The following CDHR3 variants were observed in gnomAD, a reference collection of about 807,000 sequenced individuals.
CDHR3 encodes the protein cadherin related family member 3, also known as cadherin-related family member 3.
Under a neutral mutation model 86.6 loss-of-function variants are expected in CDHR3, and 79 were observed. The ratio of observed to expected loss-of-function variants is 0.91; its 90% CI spans 0.76 to 1.10. CDHR3 has a LOEUF of 1.10. Ranked by LOEUF, CDHR3 falls within the 50% of genes least tolerant of loss-of-function variation. The pLI, the probability that CDHR3 is intolerant of heterozygous loss-of-function variation, is 0.00. For missense variants in CDHR3, 1,081 were observed against 1,077.6 expected (o/e 1.00, Z -0.04); for synonymous variants, 421 against 402.4 (o/e 1.05, Z -0.55).
At chr7:106,027,919 G>A (rs1285820190) in intron 16 of CDHR3, among the ~76,000 whole-genome samples, 1 of 152,054 alleles carries the variant, frequency 6.6e-6, no homozygotes, top group Non-Finnish European at 1.5e-5. Flanking sequence ...GAGCCCAGAA[G>A]TTCGAGACCA....
At chr7:105,975,912 A>G (rs1228997611) in intron 2 of CDHR3, among the ~76,000 whole-genome samples, 1 of 152,132 alleles carries the variant, frequency 6.6e-6, no homozygotes, top group Non-Finnish European at 1.5e-5. Context: ...TCAGCTTATC[A>G]TTAGTCACTA....
chr7:105,966,134 A>G (rs1387937791), intron 1 of CDHR3, among the ~76,000 whole-genome samples: 1 of 152,226 alleles, frequency 6.6e-6, no homozygotes, highest in African/African-American at 2.4e-5. Flanking sequence ...CAAAGCAGTC[A>G]TCTGGCTCCA....
rs1323792539 is a variant in CDHR3 at position 106,034,189 on chromosome 7, A to G, written c.*1492A>G. 6.6e-6 allele frequency among the ~76,000 whole-genome samples: 1 copy of G among 152,188 alleles called. No individual in the cohort carries two copies. Among genetic ancestry groups the G allele is most frequent in the African/African-American group, 2.4e-5 (1 of 41,442 alleles). On this transcript the variant is annotated 3_prime_UTR_variant, in exon 19 of 19. Transcript: ENST00000317716. ...AGGCATGAGCAATGAACTGGGAATA[A>G]ATGGTATTATGATGGAATAGGAAAT...
Position 106,032,753 on chromosome 7 carries a change from T to C in CDHR3, c.*56T>C. The C allele has an allele frequency of 6.6e-7, 1 of 1,520,364 alleles. No homozygotes were observed. 94.2% of individuals were successfully genotyped at this position (1,520,364 alleles called of 1,614,324 possible). A position where few individuals can be genotyped will look rare whatever the true frequency, so the allele number is the denominator to read the frequency against. On this transcript the variant is annotated 3_prime_UTR_variant, in exon 19 of 19. Transcript: ENST00000317716. Reference sequence around the variant, plus strand: ...TGAGATGCTGCCTCACCCTAAATTCTATGGGGATGGTGTGGGCATGGTGTA... The same window carrying C: ...TGAGATGCTGCCTCACCCTAAATTCCATGGGGATGGTGTGGGCATGGTGTA...
rs139914546 is a variant in CDHR3, at chr7:105,972,099, G to T, written c.47-2745G>T. ...GCCCTCCATGACTGTTCCCTGAGTG[G>T]TATAATCTCAGATGTGTGCAATGGT... On this transcript the variant is annotated intron_variant, in intron 1 of 18. Coordinates refer to ENST00000317716, the MANE Select transcript of CDHR3 (RefSeq NM_152750.5). Among the ~76,000 whole-genome samples, 34 of 152,220 alleles carry T rather than the reference G, an allele frequency of 2.2e-4. No homozygotes were observed. In the East Asian group the frequency reaches 5.8e-3, roughly 26 times the overall value.
At position 106,020,548 on chromosome 7, in the gene CDHR3, T is replaced by C. The variant is rs1329606877; in HGVS notation, c.1825+4T>C. 6.2e-7 allele frequency: 1 copy of C among 1,611,004 alleles called. No individual in the cohort carries two copies. The highest frequency in any genetic ancestry group is 8.5e-7 in the Non-Finnish European group (1 of 1,177,730). ...TTCCGTTATTCCATTGGCCCAGGTA[T>C]AGTACTTGGTGTCGACAATCCTGGC... On this transcript the variant is annotated splice_donor_region_variant and intron_variant, in intron 13 of 18. Transcript: ENST00000317716.
intron 6 of CDHR3, among the ~76,000 whole-genome samples, chr7:105,997,932 G>C (rs1369105445): frequency 1.3e-5 from 2 of 151,496 alleles, no homozygotes; most frequent in East Asian, 1.9e-4. Context: ...AGCATGATCT[G>C]TGTGACGGTC....
Position 105,986,576 on chromosome 7 carries a change from G to A in CDHR3, c.513+2287G>A, listed in dbSNP as rs148320095. 3.9e-3 allele frequency among the ~76,000 whole-genome samples: 598 copies of A among 152,294 alleles called. 7 individuals carry two copies. Among genetic ancestry groups the A allele is most frequent in the African/African-American group, 0.014 (573 of 41,544 alleles). On this transcript the variant is annotated intron_variant, in intron 4 of 18. Transcript: ENST00000317716. ...GACGTGGGAGGGCTTCAGAAATGAA[G>A]ACCCAAAGACCCCCAGGGAAAACTG...
Position 106,030,149 on chromosome 7 carries a change from G to A in CDHR3, c.2305-643G>A. On this transcript the variant is annotated intron_variant, in intron 17 of 18. Transcript: ENST00000317716. The surrounding 1 kb of genome is among the most constrained non-coding windows in gnomAD (Gnocchi z 4.8). ...GGCACCTCTAGAGGGCAGCATGTGA[G>A]GGAAGGGGGTGTTTCTATGGGGACA... Among the ~76,000 whole-genome samples the A allele has an allele frequency of 6.6e-6, 1 of 152,250 alleles. No homozygotes were observed. Among genetic ancestry groups the A allele is most frequent in the Non-Finnish European group, 1.5e-5 (1 of 68,050 alleles).
chr7:106,017,186 G>C (rs757733411), intron 11 of CDHR3, among the ~76,000 whole-genome samples: 1 of 152,194 alleles, frequency 6.6e-6, no homozygotes, highest in African/African-American at 2.4e-5. Context: ...GCTGCAAAGA[G>C]ATGTATGTGT....
intron 2 of CDHR3, among the ~76,000 whole-genome samples, chr7:105,978,891 T>C (rs796150893): frequency 1.9e-4 from 29 of 152,222 alleles, no homozygotes; most frequent in African/African-American, 6.3e-4. Context: ...CAAGGATCTA[T>C]CCAAGCTTGG....
At position 105,984,241 on chromosome 7, in the gene CDHR3, G is replaced by C. The variant is rs757443459; in HGVS notation, c.465G>C (p.Gln155His). 9 of 1,611,192 alleles carry C rather than the reference G, an allele frequency of 5.6e-6. No homozygotes were observed. Among genetic ancestry groups the C allele is most frequent in the Non-Finnish European group, 7.6e-6 (9 of 1,178,090 alleles). ...GAGCAAACCCTGGATTCATTTACCAGGTTGAGGCCTTCGATCCAGAAGACA... is the reference window on the plus strand; with the variant it reads ...GAGCAAACCCTGGATTCATTTACCACGTTGAGGCCTTCGATCCAGAAGACA... ...VERANPGFIY[Q>H]VEAFDPEDTS... Residue 155 changes from glutamine to histidine, a missense_variant, in exon 4 of 19, where the codon CAG becomes CAC. By Grantham distance (24) the Gln-to-His change is conservative (BLOSUM62 0). Coordinates refer to ENST00000317716, the MANE Select transcript of CDHR3 (RefSeq NM_152750.5).
At chr7:105,971,479 G>A (rs1232578359) in intron 1 of CDHR3, among the ~76,000 whole-genome samples, 1 of 152,144 alleles carries the variant, frequency 6.6e-6, no homozygotes, top group Non-Finnish European at 1.5e-5. Context: ...ATTCAAGGAG[G>A]ACGATAAAAA....
chr7:106,017,720 CAG>C (rs1355564197), intron 11 of CDHR3, 124 bp from the exon 12 acceptor site: 8 of 695,002 alleles, frequency 1.2e-5, no homozygotes, highest in Admixed American at 2.9e-5. Flanking sequence ...AGCTATAAAA[CAG>C]AGTTTGGACA....
At chr7:105,991,938 C>A (rs1231723582) in intron 4 of CDHR3, among the ~76,000 whole-genome samples, 1 of 152,208 alleles carries the variant, frequency 6.6e-6, no homozygotes, top group Non-Finnish European at 1.5e-5. Flanking sequence ...CAGGCACTCA[C>A]ATGGCTACAA....
Position 106,032,858 on chromosome 7 carries a change from AAG to A in CDHR3, c.*162_*163del. ...TTTGACAAATTTTTAAACAAATAGA[AAG>A]GGGTTTGATCACATAGTTGCGTGTT... On this transcript the variant is annotated 3_prime_UTR_variant, in exon 19 of 19. Transcript: ENST00000317716. 1 of 654,492 alleles carries A rather than the reference AAG, an allele frequency of 1.5e-6. No individual in the cohort carries two copies. Among genetic ancestry groups the A allele is most frequent in the Non-Finnish European group, 2.6e-6 (1 of 389,680 alleles). 40.5% of individuals were successfully genotyped at this position (654,492 alleles called of 1,614,324 possible).
chr7:105,966,874 T>G (rs1205303314), intron 1 of CDHR3, among the ~76,000 whole-genome samples: 1 of 152,218 alleles, frequency 6.6e-6, no homozygotes, highest in African/African-American at 2.4e-5. Flanking sequence ...CACGTCTGTT[T>G]CTTGCCAGTT....
chr7:105,994,709 C>T (rs961428575), intron 4 of CDHR3, 42 bp from the exon 5 acceptor site: 3 of 1,315,370 alleles, frequency 2.3e-6, no homozygotes, highest in Non-Finnish European at 3.2e-6. Flanking sequence ...GAAGGGTGGG[C>T]AGGTGGGCTG....
chr7:105,973,635 C>T (rs954250453), intron 1 of CDHR3, among the ~76,000 whole-genome samples: 2 of 152,192 alleles, frequency 1.3e-5, no homozygotes, highest in Admixed American at 6.5e-5. Context: ...ATGACTGCCT[C>T]TCAACTAATT....
Sources: allele counts gnomAD v4.1 joint callset (sites outside exome capture counted in the v4.1 genomes callset), GRCh38; gene constraint gnomAD v4.1.1; non-coding constraint Gnocchi (gnomAD v3.1); transcripts MANE v1.5; gene names NCBI Gene and HGNC (gene_info 2026-07-23, HGNC 2026-07-21).